Variants in KALRN observed in about 807,000 individuals in gnomAD.
KALRN encodes kalirin.
KALRN carries 70 observed loss-of-function variants against 353.7 expected under a neutral mutation model. The ratio of observed to expected loss-of-function variants is 0.20; its 90% CI spans 0.16 to 0.24. The LOEUF (loss-of-function observed/expected upper bound fraction) is 0.24, where lower values mean the gene tolerates loss of function less well. Among genes scored for constraint, KALRN ranks in the 10% least tolerant of loss-of-function variants. The probability of loss-of-function intolerance (pLI) is 1.00; values close to 1 mark genes in which losing one functional copy is unlikely to be tolerated. For synonymous variants in KALRN, 1,391 were observed against 1,434.8 expected (o/e 0.97, Z 0.69); for missense variants, 2,791 against 3,756.7 (o/e 0.74, Z 6.72).
At chr3:124,058,639 A>C (rs1276687320) in intron 1 of KALRN, among the ~76,000 whole-genome samples, 1 of 152,184 alleles carries the variant, frequency 6.6e-6, no homozygotes, top group African/African-American at 2.4e-5. Flanking sequence ...TCAGCATGGC[A>C]GGCTTCAGCC....
At chr3:124,325,887 G>GT (rs2079852563) in intron 6 of KALRN, 93 bp from the exon 7 acceptor site, 1 of 1,039,602 alleles carries the variant, frequency 9.6e-7, no homozygotes, top group East Asian at 2.4e-5. Flanking sequence ...CTTTTGTTTT[G>GT]GGCAGCTCCC....
At position 124,640,312 on chromosome 3, in the gene KALRN, A is replaced by G. The variant is rs2081902282; in HGVS notation, c.5664+3009A>G. Among the ~76,000 whole-genome samples, 4 of 138,422 alleles carry G rather than the reference A, an allele frequency of 2.9e-5. No homozygotes were observed. In the South Asian group the frequency reaches 9.4e-4, roughly 32 times the overall value. The allele number at this position is 138,422 out of a possible 152,430, so 90.8% of individuals were successfully genotyped here. ...TTTTTTTTTTTTTTTTTTGAGACAG[A>G]GTCTCACTCTGTCGCCCAGGCTGGA... On this transcript the variant is annotated intron_variant, in intron 37 of 59. Coordinates refer to ENST00000682506, the MANE Select transcript of KALRN (RefSeq NM_001388419.1).
chr3:124,582,018 A>ATTT (rs71625758), intron 34 of KALRN, among the ~76,000 whole-genome samples: 8 of 136,094 alleles, frequency 5.9e-5, no homozygotes, highest in African/African-American at 2.3e-4. Context: ...AACATGAGCT[A>ATTT]TTTTTTTTTT....
chr3:124,693,159 G>C (rs1172079496), intron 51 of KALRN, among the ~76,000 whole-genome samples: 1 of 152,208 alleles, frequency 6.6e-6, no homozygotes, highest in African/African-American at 2.4e-5. Context: ...GGTTGGGTCA[G>C]TGGCTTCAAG....
At chr3:124,672,121 T>C (rs1406034585) in intron 48 of KALRN, among the ~76,000 whole-genome samples, 1 of 152,152 alleles carries the variant, frequency 6.6e-6, no homozygotes, top group Non-Finnish European at 1.5e-5. Flanking sequence ...CTAATTTTTG[T>C]ATTTTTAGTA....
chr3:124,544,303 G>A (rs558012231), intron 33 of KALRN, among the ~76,000 whole-genome samples: 1 of 152,302 alleles, frequency 6.6e-6, no homozygotes, highest in East Asian at 1.9e-4. Context: ...GCTCATGCCT[G>A]TAATCCCAGC....
At chr3:124,518,457 G>A (rs776216538) in intron 33 of KALRN, 2 of 1,613,954 alleles carry the variant, frequency 1.2e-6, no homozygotes, top group Admixed American at 1.7e-5. Flanking sequence ...CTCCACTTAC[G>A]TTTAGCGCGC....
At chr3:124,066,260 G>A (rs1559895051) in intron 1 of KALRN, among the ~76,000 whole-genome samples, 2 of 152,138 alleles carry the variant, frequency 1.3e-5, no homozygotes, top group Admixed American at 1.3e-4. Flanking sequence ...GGGATGAAGA[G>A]GGGTGTGGAG....
chr3:124,111,186 A>T (rs184548586), intron 1 of KALRN, among the ~76,000 whole-genome samples: 1 of 152,180 alleles, frequency 6.6e-6, no homozygotes, highest in Non-Finnish European at 1.5e-5. Flanking sequence ...TAGAACCCCA[A>T]TACCTTACAT....
intron 1 of KALRN, among the ~76,000 whole-genome samples, chr3:124,154,113 CTTTAG>C (rs1333715809): frequency 6.6e-6 from 1 of 152,140 alleles, no homozygotes; most frequent in African/African-American, 2.4e-5. Flanking sequence ...TGCAGAAGCT[CTTTAG>C]TTTAATTAGA....
At position 124,720,440 on chromosome 3, in the gene KALRN, A is replaced by G. The variant is rs1318288062; in HGVS notation, c.*970A>G. 1 of 152,646 alleles carries G rather than the reference A, an allele frequency of 6.6e-6. No homozygotes were observed. Among genetic ancestry groups the G allele is most frequent in the African/African-American group, 2.4e-5 (1 of 41,456 alleles). 9.5% of individuals were successfully genotyped at this position (152,646 alleles called of 1,614,324 possible). A position where few individuals can be genotyped will look rare whatever the true frequency, so the allele number is the denominator to read the frequency against. ...CTACAGTTCCTATGAACAACGTACC[A>G]ACACTTTCTGATTTCTTCTACAGCT... On this transcript the variant is annotated 3_prime_UTR_variant, in exon 60 of 60. Coordinates refer to ENST00000682506, the MANE Select transcript of KALRN (RefSeq NM_001388419.1).
At chr3:124,069,618 G>A (rs769265335) in intron 1 of KALRN, among the ~76,000 whole-genome samples, 1 of 152,200 alleles carries the variant, frequency 6.6e-6, no homozygotes, top group Non-Finnish European at 1.5e-5. Flanking sequence ...AAGTAAGAGA[G>A]TCCTTCATTG....
chr3:124,094,385 C>T lies in KALRN; in HGVS notation c.73+60572C>T, dbSNP rs535904045. On this transcript the variant is annotated intron_variant, in intron 1 of 59. Coordinates refer to ENST00000682506, the MANE Select transcript of KALRN (RefSeq NM_001388419.1). Reference sequence around the variant, plus strand: ...GACTGGCCTCAAAGTCCAAAATGGCCGAGCTTCTGGCTTCCCATCCCATAT... The same window carrying T: ...GACTGGCCTCAAAGTCCAAAATGGCTGAGCTTCTGGCTTCCCATCCCATAT... Among the ~76,000 whole-genome samples, 164 of 152,192 alleles carry T rather than the reference C, an allele frequency of 1.1e-3. 1 individual carries two copies. Among genetic ancestry groups the T allele is most frequent in the Non-Finnish European group, 1.2e-3 (81 of 68,026 alleles).
intron 33 of KALRN, among the ~76,000 whole-genome samples, chr3:124,527,600 TAAA>T (rs34131345): frequency 0.026 from 3,750 of 142,200 alleles, 55 homozygotes; most frequent in Non-Finnish European, 0.04. Context: ...CAAGACTGTT[TAAA>T]AAAAAAAAAA....
chr3:124,412,831 G>T (rs1309146873), intron 13 of KALRN, among the ~76,000 whole-genome samples: 2 of 152,178 alleles, frequency 1.3e-5, no homozygotes, highest in South Asian at 4.1e-4. Flanking sequence ...GTAATAGAAG[G>T]ACAGAATGTT....
At chr3:124,572,879 A>C (rs1358654347) in intron 34 of KALRN, among the ~76,000 whole-genome samples, 2 of 151,958 alleles carry the variant, frequency 1.3e-5, no homozygotes, top group Non-Finnish European at 2.9e-5. Context: ...CTCTAGGAAA[A>C]ATTTTTAAAA....
intron 25 of KALRN, among the ~76,000 whole-genome samples, chr3:124,464,178 T>C (rs1216999266): frequency 1.3e-5 from 2 of 152,170 alleles, no homozygotes; most frequent in Non-Finnish European, 2.9e-5. Context: ...GTAAGTCGTG[T>C]TACCTTACTT....
At chr3:124,525,481 GA>G (rs1396919484) in intron 33 of KALRN, among the ~76,000 whole-genome samples, 2 of 152,070 alleles carry the variant, frequency 1.3e-5, no homozygotes, top group Non-Finnish European at 2.9e-5. Flanking sequence ...TGGGGGTGGG[GA>G]TAAAAAATAA....
intron 1 of KALRN, among the ~76,000 whole-genome samples, chr3:124,159,535 G>T (rs533604187): frequency 2.0e-5 from 3 of 149,750 alleles, no homozygotes; most frequent in African/African-American, 7.4e-5. Context: ...GCCTCCCAAA[G>T]TGCTGGGATT....
Sources: allele counts gnomAD v4.1 joint callset (sites outside exome capture counted in the v4.1 genomes callset), GRCh38; gene constraint gnomAD v4.1.1; transcripts MANE v1.5; gene names NCBI Gene and HGNC (gene_info 2026-07-23, HGNC 2026-07-21).